Variants in RPL8 observed in about 807,000 individuals in gnomAD.
RPL8 encodes the protein large ribosomal subunit protein uL2.
For synonymous variants in RPL8, 182 were observed against 143.2 expected, an observed-to-expected ratio of 1.27 and a Z score of -1.94; for missense variants, 248 against 365.9, an observed-to-expected ratio of 0.68 and a Z score of 2.63.
intron 2 of RPL8, 83 bp from the exon 3 acceptor site, chr8:144,791,578 G>C: frequency 2.7e-6 from 4 of 1,509,380 alleles, no homozygotes; most frequent in Non-Finnish European, 3.6e-6. Context: ...GCGAAGTTGC[G>C]AGCACAGCAT....
At chr8:144,790,693 T>A in intron 3 of RPL8, 1 of 688,326 alleles carries the variant, frequency 1.5e-6, no homozygotes, top group South Asian at 1.5e-5. Flanking sequence ...TCACCTAGAA[T>A]GCTGGCTGAG....
rs6651490 is a variant in RPL8 at position 144,790,303 on chromosome 8, A to T, written c.615+52T>A. 1.9e-5 allele frequency: 28 copies of T among 1,465,084 alleles called. No homozygotes were observed. The African/African-American group carries it at 3.6e-4, about 19-fold the overall frequency. The allele number at this position is 1,465,084 out of a possible 1,614,324, so 90.8% of individuals were successfully genotyped here. ...TGTGGATGGGACTTGCCTACCCAAC[A>T]GTGTGGCCACTGTAACTTCAATACC... On this transcript the variant is annotated intron_variant, in intron 4 of 4. Coordinates refer to ENST00000528957, the MANE Select transcript of RPL8 (RefSeq NM_001317782.2).
At position 144,792,301 on chromosome 8, in the gene RPL8, C is replaced by T. The variant is rs1826565935; in HGVS notation, c.-172G>A. Reference sequence around the variant, plus strand: ...TCAGGAGGGCCGGTCCGGGTCTCAGCGCGCCTCACGGAAGAGGATGGCGGC... The same window carrying T: ...TCAGGAGGGCCGGTCCGGGTCTCAGTGCGCCTCACGGAAGAGGATGGCGGC... On this transcript the variant is annotated 5_prime_UTR_variant, in exon 1 of 5. Transcript: ENST00000528957. 30 of 1,003,138 alleles carry T rather than the reference C, an allele frequency of 3.0e-5. No homozygotes were observed. Among genetic ancestry groups the T allele is most frequent in the Non-Finnish European group, 4.0e-5 (30 of 751,002 alleles). 62.1% of individuals were successfully genotyped at this position (1,003,138 alleles called of 1,614,324 possible). A position where few individuals can be genotyped will look rare whatever the true frequency, so the allele number is the denominator to read the frequency against.
Position 144,791,513 on chromosome 8 carries a change from A to G in RPL8, c.281-18T>C, listed in dbSNP as rs1384064803. The G allele has an allele frequency of 3.7e-6, 6 of 1,611,584 alleles. No individual in the cohort carries two copies. The highest frequency in any genetic ancestry group is 5.1e-6 in the Non-Finnish European group (6 of 1,178,948). On this transcript the variant is annotated intron_variant, in intron 2 of 4. Coordinates refer to ENST00000528957, the MANE Select transcript of RPL8 (RefSeq NM_001317782.2). ...GAGCTGGGCTGCAAGGGGAAGCAGC[A>G]TCAGGCCGTCAGCACAGTAAGAAAC...
In RPL8 at chr8:144,789,844, C is replaced by T. The variant is rs11539894; in HGVS notation, c.734G>A (p.Arg245His). Reference protein sequence around the residue: ...VGLIAARRTGRLRGTKTVQEK... With the variant: ...VGLIAARRTGHLRGTKTVQEK... ...CTGCACAGTCTTGGTTCCCCGGAGACGTCCAGTCCGGCGGGCAGCAATGAG... is the reference window on the plus strand; with the variant it reads ...CTGCACAGTCTTGGTTCCCCGGAGATGTCCAGTCCGGCGGGCAGCAATGAG... The change falls in exon 5 of 5, where the codon CGT becomes CAT. Residue 245 changes from arginine (R) to histidine (H), a missense_variant. Coordinates refer to ENST00000528957, the MANE Select transcript of RPL8 (RefSeq NM_001317782.2). The T allele has an allele frequency of 1.2e-6, 2 of 1,613,478 alleles. No homozygotes were observed. The highest frequency in any genetic ancestry group is 1.7e-5 in the Admixed American group (1 of 60,014).
Position 144,791,453 on chromosome 8 carries a change from G to T in RPL8, c.323C>A (p.Pro108His), listed in dbSNP as rs778198813. ...IGNVLPVGTM[P>H]EGTIVCCLEE... ...CAGGCAGCACACGATTGTACCCTCA[G>T]GCATGGTGCCCACAGGGAGCACATT... is the stretch of plus-strand genomic sequence containing the variant. Residue 108 changes from proline to histidine, a missense_variant, in exon 3 of 5, where the codon CCT becomes CAT. Pro to His is a moderately conservative substitution (Grantham distance 77). Coordinates refer to ENST00000528957, the MANE Select transcript of RPL8 (RefSeq NM_001317782.2). 6.2e-7 allele frequency: 1 copy of T among 1,613,922 alleles called. No homozygotes were observed. The highest frequency in any genetic ancestry group is 8.5e-7 in the Non-Finnish European group (1 of 1,180,026).
chr8:144,790,466 C>G lies in RPL8; in HGVS notation c.504G>C (p.Val168=), dbSNP rs951137182. The change falls in exon 4 of 5, where the codon GTG becomes GTC. Residue 168 remains valine, a synonymous_variant. Coordinates refer to ENST00000528957, the MANE Select transcript of RPL8 (RefSeq NM_001317782.2). ...ISSANRAVVG[V]VAGGGRIDKP... is the part of the protein sequence containing the mutation. ...TGTCAATTCGGCCACCTCCAGCCAC[C>G]ACACCTGTAGGGGATCAGATACCTC... 6.2e-7 allele frequency: 1 copy of G among 1,610,798 alleles called. No individual in the cohort carries two copies.
Position 144,791,630 on chromosome 8 carries a change from G to GGT in RPL8, c.281-137_281-136dup, listed in dbSNP as rs1251514890. On this transcript the variant is annotated intron_variant, in intron 2 of 4. Transcript: ENST00000528957. ...CGGTACAACTCTCTCGGCACCCACC[G>GGT]GTGGCCACTGGTCTGGCCACGCGGA... 3.4e-6 allele frequency: 5 copies of GGT among 1,473,090 alleles called. No homozygotes were observed. In the East Asian group the frequency reaches 1.2e-4, roughly 35 times the overall value. The allele number at this position is 1,473,090 out of a possible 1,614,324, so 91.3% of individuals were successfully genotyped here.
rs763648407 is a variant in RPL8 at position 144,792,368 on chromosome 8, G to C, written c.-239C>G. ...GCAAGGCCGCAAGGATGACCTACCT[G>C]TTCACCAGCGCGGCCGAAAGAGGAA... On this transcript the variant is annotated 5_prime_UTR_variant, in exon 1 of 5. Transcript: ENST00000528957. 6 of 660,394 alleles carry C rather than the reference G, an allele frequency of 9.1e-6. No individual in the cohort carries two copies. Among genetic ancestry groups the C allele is most frequent in the South Asian group, 5.3e-5 (1 of 19,012 alleles). The allele number at this position is 660,394 out of a possible 1,614,324, so 40.9% of individuals were successfully genotyped here.
rs779138064 is a variant in RPL8 at position 144,791,371 on chromosome 8, G to A, written c.405C>T (p.Thr135=). 6 of 1,613,690 alleles carry A rather than the reference G, an allele frequency of 3.7e-6. No homozygotes were observed. The African/African-American group carries it at 5.3e-5, about 14-fold the overall frequency. Residue 135 remains threonine (T), a synonymous_variant, in exon 3 of 5, where the codon ACC becomes ACT. Coordinates refer to ENST00000528957, the MANE Select transcript of RPL8 (RefSeq NM_001317782.2). The part of the protein sequence containing the change: ...KLARASGNYA[T]VISHNPETKK... Reference sequence around the variant, plus strand: ...TGGTCTCAGGGTTGTGGGAGATAACGGTGGCATAGTTCCCTGATGCCCGGG... The same window carrying A: ...TGGTCTCAGGGTTGTGGGAGATAACAGTGGCATAGTTCCCTGATGCCCGGG...
In RPL8 at chr8:144,792,088, A is replaced by G. The variant is rs1333767776; in HGVS notation, c.42T>C (p.Ser14=). 6 of 1,599,336 alleles carry G rather than the reference A, an allele frequency of 3.8e-6. No homozygotes were observed. In the African/African-American group the frequency reaches 5.4e-5, roughly 14 times the overall value. Residue 14 remains serine, a synonymous_variant, in exon 1 of 5, where the codon TCT becomes TCC. Coordinates refer to ENST00000528957, the MANE Select transcript of RPL8 (RefSeq NM_001317782.2). ...VIRGQRKGAG[S]VFRAHVKHRK... ...GGTGCTTCACGTGCGCGCGGAACAC[A>G]GACCCGGCGCCCTTCCTCTGTCCAC...
rs200177451 is a variant in RPL8, at chr8:144,792,149, G to A, written c.-20C>T. The stretch of plus-strand genomic sequence containing the variant: ...GCCCATGGCGACGGGTCCTGGGGGC[G>A]ACTCACGATTAGCGCGGCCGGGCGG... On this transcript the variant is annotated 5_prime_UTR_variant, in exon 1 of 5. Coordinates refer to ENST00000528957, the MANE Select transcript of RPL8 (RefSeq NM_001317782.2). The A allele has an allele frequency of 8.5e-3, 12,634 of 1,485,222 alleles. 76 individuals carry two copies. The highest frequency in any genetic ancestry group is 0.019 in the South Asian group (1,401 of 75,168). 92.0% of individuals were successfully genotyped at this position (1,485,222 alleles called of 1,614,324 possible). A position where few individuals can be genotyped will look rare whatever the true frequency, so the allele number is the denominator to read the frequency against.
At position 144,790,275 on chromosome 8, in the gene RPL8, A is replaced by G. The variant is rs551947592; in HGVS notation, c.615+80T>C. 4 of 1,168,212 alleles carry G rather than the reference A, an allele frequency of 3.4e-6. No homozygotes were observed. The African/African-American group carries it at 4.5e-5, about 13-fold the overall frequency. 72.4% of individuals were successfully genotyped at this position (1,168,212 alleles called of 1,614,324 possible). ...CCGTAGATCCCCCTCCTGCAGGGAC[A>G]CCTGTGGATGGGACTTGCCTACCCA... On this transcript the variant is annotated intron_variant, in intron 4 of 4. Transcript: ENST00000528957.
At position 144,792,381 on chromosome 8, in the gene RPL8, G is replaced by C. The variant is rs1222311592; in HGVS notation, c.-252C>G. The C allele has an allele frequency of 1.5e-6, 1 of 660,774 alleles. No homozygotes were observed. Among genetic ancestry groups the C allele is most frequent in the Non-Finnish European group, 2.1e-6 (1 of 466,524 alleles). The allele number at this position is 660,774 out of a possible 1,614,324, so 40.9% of individuals were successfully genotyped here. On this transcript the variant is annotated 5_prime_UTR_variant, in exon 1 of 5. Coordinates refer to ENST00000528957, the MANE Select transcript of RPL8 (RefSeq NM_001317782.2). ...GATGACCTACCTGTTCACCAGCGCG[G>C]CCGAAAGAGGAAACACGGCGTCAGC...
rs536817913 is a variant in RPL8 at position 144,790,035 on chromosome 8, G to A, written c.616-73C>T. 2.2e-4 allele frequency: 322 copies of A among 1,466,640 alleles called. 2 individuals are homozygous for A. In the African/African-American group the frequency reaches 3.7e-3, roughly 17 times the overall value. The allele number at this position is 1,466,640 out of a possible 1,614,324, so 90.9% of individuals were successfully genotyped here. On this transcript the variant is annotated intron_variant, in intron 4 of 4. Transcript: ENST00000528957. ...CGCCCCCGGCCTCGGGGTCCCACCCGTCAGGGGCCCAATTCCGCGAAGCCC... is the reference window on the plus strand; with the variant it reads ...CGCCCCCGGCCTCGGGGTCCCACCCATCAGGGGCCCAATTCCGCGAAGCCC...
rs761837314 is a variant in RPL8 at position 144,789,966 on chromosome 8, C to T, written c.616-4G>A. 62 of 1,605,760 alleles carry T rather than the reference C, an allele frequency of 3.9e-5. No individual in the cohort carries two copies. In the South Asian group the frequency reaches 6.4e-4, roughly 17 times the overall value. ...CTCCAAAAGGATGCTCCACAGGCTG[C>T]AGGCAGAGAAAGATGGCTTTAGAAA... On this transcript the variant is annotated splice_region_variant and splice_polypyrimidine_tract_variant and intron_variant, in intron 4 of 4. Transcript: ENST00000528957.
rs1379989065 is a variant in RPL8, at chr8:144,791,838, C to A, written c.215G>T (p.Arg72Leu). Residue 72 changes from arginine (R) to leucine (L), a missense_variant, in exon 2 of 5, where the codon CGG becomes CTG. Coordinates refer to ENST00000528957, the MANE Select transcript of RPL8 (RefSeq NM_001317782.2). ...VFRDPYRFKK[R>L]TELFIAAEGI... ...CTCGGCGGCAATGAACAGCTCCGTCCGCTTCTTAAACCGATACGGATCCCG... is the reference window on the plus strand; with the variant it reads ...CTCGGCGGCAATGAACAGCTCCGTCAGCTTCTTAAACCGATACGGATCCCG... 6.2e-7 allele frequency: 1 copy of A among 1,613,942 alleles called. No homozygotes were observed. The highest frequency in any genetic ancestry group is 8.5e-7 in the Non-Finnish European group (1 of 1,180,038).
Position 144,792,198 on chromosome 8 carries a change from C to G in RPL8, c.-69G>C. 7.1e-7 allele frequency: 1 copy of G among 1,413,552 alleles called. No homozygotes were observed. The highest frequency in any genetic ancestry group is 3.1e-5 in the Admixed American group (1 of 32,020). The allele number at this position is 1,413,552 out of a possible 1,614,324, so 87.6% of individuals were successfully genotyped here. ...GGCCCGGGTACCCCCGCCAGCCCGG[C>G]TTTCCGGGACCCCGCCCCCGAGGCC... On this transcript the variant is annotated 5_prime_UTR_variant, in exon 1 of 5. Coordinates refer to ENST00000528957, the MANE Select transcript of RPL8 (RefSeq NM_001317782.2).
At chr8:144,790,901 C>T in intron 3 of RPL8, 1 of 480,378 alleles carries the variant, frequency 2.1e-6, no homozygotes, top group South Asian at 1.7e-5. Flanking sequence ...AGTGAGTTAA[C>T]CTAGACTCAA....
Sources: gnomAD v4.1 joint callset for allele counts on GRCh38, gnomAD v4.1.1 for gene constraint, MANE v1.5 for transcripts, NCBI Gene and HGNC (gene_info 2026-07-23, HGNC 2026-07-21) for gene names.